CAST: variants seen among roughly 807,000 people sequenced by gnomAD.
The protein encoded by CAST is calpastatin, also known as MIR583 host.
A neutral mutation model predicts 119.6 loss-of-function variants in CAST; 76 were observed. That is an observed-to-expected ratio of 0.64 (90% CI 0.53 to 0.77). The LOEUF is 0.77. CAST is among the 30% of genes least tolerant of loss of function. CAST has a pLI of 0.00. For missense variants in CAST, 953 were observed against 946.5 expected (o/e 1.01, Z -0.09); for synonymous variants, 319 against 331.6 (o/e 0.96, Z 0.41).
chr5:96,537,222 T>C (rs969363238), intron 1 of CAST, among the ~76,000 whole-genome samples: 1 of 152,212 alleles, frequency 6.6e-6, no homozygotes, highest in African/African-American at 2.4e-5. Flanking sequence ...TCAGTTACCA[T>C]CCTTCACTTC....
intron 20 of CAST, among the ~76,000 whole-genome samples, chr5:96,753,144 C>CCATCATG (rs897994690): frequency 1.3e-5 from 2 of 151,970 alleles, no homozygotes; most frequent in African/African-American, 4.8e-5. Flanking sequence ...CAGGCATGCA[C>CCATCATG]CATCATGCCT....
the CAST span, among the ~76,000 whole-genome samples, chr5:96,494,687 A>C: frequency 6.6e-6 from 1 of 152,206 alleles, no homozygotes; most frequent in Non-Finnish European, 1.5e-5. Context: ...TAAGTCTGGC[A>C]AGAAAAATAA....
the CAST span, among the ~76,000 whole-genome samples, chr5:96,050,808 C>A: frequency 3.9e-5 from 6 of 152,140 alleles, no homozygotes; most frequent in African/African-American, 1.4e-4. Flanking sequence ...AGTAGGAAGA[C>A]AAGGGAGACC....
chr5:95,997,332 C>T, the CAST span, among the ~76,000 whole-genome samples: 1 of 152,172 alleles, frequency 6.6e-6, no homozygotes, highest in Non-Finnish European at 1.5e-5. Flanking sequence ...GCCCTCCTCT[C>T]TGTGACACTA....
chr5:96,277,973 C>T, the CAST span, among the ~76,000 whole-genome samples: 2 of 151,970 alleles, frequency 1.3e-5, no homozygotes, highest in Non-Finnish European at 2.9e-5. Context: ...AGGCTGGTGA[C>T]CTTCCTGCTT....
the CAST span, among the ~76,000 whole-genome samples, chr5:96,258,733 A>G: frequency 1.3e-5 from 2 of 152,246 alleles, no homozygotes; most frequent in African/African-American, 2.4e-5. Flanking sequence ...TAGCATAGAT[A>G]TGATAAAATT....
chr5:96,445,665 G>A, the CAST span, among the ~76,000 whole-genome samples: 1 of 152,150 alleles, frequency 6.6e-6, no homozygotes, highest in African/African-American at 2.4e-5. Flanking sequence ...TAAGTTCCCA[G>A]TCAGGTCTTG....
chr5:95,987,373 AT>A, the CAST span, among the ~76,000 whole-genome samples: 1 of 152,220 alleles, frequency 6.6e-6, no homozygotes, highest in Non-Finnish European at 1.5e-5. Context: ...CCTTTTGGAA[AT>A]AGTTTTCCTG....
At chr5:96,104,248 A>C in the CAST span, among the ~76,000 whole-genome samples, 1 of 152,114 alleles carries the variant, frequency 6.6e-6, no homozygotes, top group Non-Finnish European at 1.5e-5. Flanking sequence ...ATTACATCCC[A>C]TTTGTCAATT....
the CAST span, among the ~76,000 whole-genome samples, chr5:96,239,824 T>C: frequency 5.3e-5 from 8 of 152,084 alleles, no homozygotes; most frequent in Non-Finnish European, 1.0e-4. Context: ...TTCACATCAC[T>C]AGTTTTATTT....
chr5:96,399,287 A>T, the CAST span, among the ~76,000 whole-genome samples: 1 of 152,228 alleles, frequency 6.6e-6, no homozygotes, highest in African/African-American at 2.4e-5. Flanking sequence ...TTGTAGACCC[A>T]TCAAAAAGCC....
At chr5:96,350,524 G>A in the CAST span, among the ~76,000 whole-genome samples, 1 of 152,070 alleles carries the variant, frequency 6.6e-6, no homozygotes. Flanking sequence ...GAAGATATTG[G>A]AGCCCACAAG....
chr5:96,644,051 CAA>C (rs568551118), intron 1 of CAST, among the ~76,000 whole-genome samples: 1 of 128,302 alleles, frequency 7.8e-6, no homozygotes, highest in Admixed American at 7.7e-5. Flanking sequence ...GTCTCAAAAA[CAA>C]AAAAAAAAAA....
the CAST span, among the ~76,000 whole-genome samples, chr5:96,301,363 T>A: frequency 6.6e-6 from 1 of 152,076 alleles, no homozygotes; most frequent in Non-Finnish European, 1.5e-5. Context: ...CAGAGCCAAA[T>A]CATATTATCC....
chr5:96,394,893 C>A, the CAST span: 1 of 1,614,158 alleles, frequency 6.2e-7, no homozygotes, highest in Non-Finnish European at 8.5e-7. Flanking sequence ...TTCTCCACCC[C>A]TCTTCTGTCA....
the CAST span, among the ~76,000 whole-genome samples, chr5:96,264,537 G>A: frequency 4.3e-4 from 65 of 152,332 alleles, 1 homozygote; most frequent in East Asian, 8.9e-3. Context: ...AGCATTAAGT[G>A]TGTCTCCATG....
the CAST span, among the ~76,000 whole-genome samples, chr5:96,110,326 T>A: frequency 6.6e-6 from 1 of 152,190 alleles, no homozygotes; most frequent in South Asian, 2.1e-4. Flanking sequence ...TATCTCAATT[T>A]CTTCTGAGAA....
upstream of CAST, among the ~76,000 whole-genome samples, chr5:96,529,082 T>C (rs1312407199): frequency 6.6e-6 from 1 of 152,196 alleles, no homozygotes; most frequent in Non-Finnish European, 1.5e-5. Flanking sequence ...CAGAGAGCTG[T>C]CTGGGTTTTG....
intron 1 of CAST, among the ~76,000 whole-genome samples, chr5:96,579,458 C>T (rs187511090): frequency 1.3e-5 from 2 of 152,296 alleles, no homozygotes; most frequent in Admixed American, 1.3e-4. Flanking sequence ...ATTCCTCTTG[C>T]CCTTCGTGTC....
Sources: allele counts gnomAD v4.1 joint callset (sites outside exome capture counted in the v4.1 genomes callset), GRCh38; gene constraint gnomAD v4.1.1; transcripts MANE v1.5; gene names NCBI Gene and HGNC (gene_info 2026-07-23, HGNC 2026-07-21).